MYRFL: variants seen among roughly 807,000 people sequenced by gnomAD.
MYRFL encodes myelin regulatory factor like.
A neutral mutation model predicts 109.4 loss-of-function variants in MYRFL; 88 were observed. The ratio of observed to expected loss-of-function variants is 0.80; its 90% CI spans 0.68 to 0.96. The LOEUF (loss-of-function observed/expected upper bound fraction) is 0.96, where lower values mean the gene tolerates loss of function less well. MYRFL is among the 40% of genes least tolerant of loss of function. The pLI is 0.00. For synonymous variants in MYRFL, 324 were observed against 320.9 expected (o/e 1.01, Z -0.10); for missense variants, 957 against 954.9 (o/e 1.00, Z -0.03).
intron 2 of MYRFL, among the ~76,000 whole-genome samples, chr12:69,861,465 T>C (rs1321837750): frequency 5.3e-5 from 8 of 152,214 alleles, no homozygotes; most frequent in Non-Finnish European, 1.0e-4. Context: ...TGGTATCTCA[T>C]TGTGGTTTTG....
At chr12:69,882,647 G>A (rs529437317) in intron 5 of MYRFL, among the ~76,000 whole-genome samples, 15 of 152,320 alleles carry the variant, frequency 9.8e-5, no homozygotes, top group South Asian at 4.1e-4. Context: ...GAATTACTGG[G>A]TTGGCGTGGG....
At chr12:69,921,600 A>C (rs545518367) in intron 13 of MYRFL, among the ~76,000 whole-genome samples, 8 of 152,338 alleles carry the variant, frequency 5.3e-5, no homozygotes, top group African/African-American at 1.9e-4. Context: ...TTAGAAATTT[A>C]CTTTTTGGTA....
intron 5 of MYRFL, among the ~76,000 whole-genome samples, chr12:69,884,997 G>GAAAA: frequency 1.3e-5 from 2 of 152,164 alleles, no homozygotes; most frequent in Non-Finnish European, 2.9e-5. Context: ...AAAACTCCAA[G>GAAAA]CTCTTGACCC....
chr12:69,950,209 G>C (rs1955942024), intron 19 of MYRFL, among the ~76,000 whole-genome samples: 1 of 151,806 alleles, frequency 6.6e-6, no homozygotes, highest in Non-Finnish European at 1.5e-5. Flanking sequence ...GGATAGTTTT[G>C]CTCCTATTTT....
At chr12:69,826,166 G>A (rs756698030) in intron 1 of MYRFL, among the ~76,000 whole-genome samples, 3 of 152,086 alleles carry the variant, frequency 2.0e-5, no homozygotes, top group South Asian at 2.1e-4. Context: ...AAGAAATAGT[G>A]AGATTCTATG....
rs1229227144 is a variant in MYRFL at position 69,879,100 on chromosome 12, G to C, written c.205+5G>C. 1.6e-5 allele frequency: 11 copies of C among 702,846 alleles called. No individual in the cohort carries two copies. Among genetic ancestry groups the C allele is most frequent in the Non-Finnish European group, 2.9e-5 (11 of 384,848 alleles). 43.5% of individuals were successfully genotyped at this position (702,846 alleles called of 1,614,324 possible). A position where few individuals can be genotyped will look rare whatever the true frequency, so the allele number is the denominator to read the frequency against. On this transcript the variant is annotated splice_donor_5th_base_variant and intron_variant, in intron 3 of 24. Coordinates refer to ENST00000552032, the MANE Select transcript of MYRFL (RefSeq NM_182530.3). ...GCTCTCCTCCGCAGGTCAAAGGTGA[G>C]TGCGATCCACCTTCAGCACATCTGG... is the stretch of plus-strand genomic sequence containing the variant.
chr12:69,867,216 C>T (rs1172899352), intron 2 of MYRFL, among the ~76,000 whole-genome samples: 6 of 152,076 alleles, frequency 3.9e-5, no homozygotes, highest in South Asian at 2.1e-4. Flanking sequence ...AGTTGAGCTA[C>T]GGTGGTGGGA....
intron 12 of MYRFL, among the ~76,000 whole-genome samples, chr12:69,910,613 C>G (rs944534154): frequency 2.3e-4 from 34 of 148,306 alleles, no homozygotes; most frequent in African/African-American, 7.6e-4. Context: ...ACTTACCTCC[C>G]CCCTGTTGGC....
intron 1 of MYRFL, among the ~76,000 whole-genome samples, chr12:69,840,673 G>A (rs946236920): frequency 1.3e-5 from 2 of 152,158 alleles, no homozygotes; most frequent in South Asian, 2.1e-4. Flanking sequence ...CATTTCCTCC[G>A]AGAGTCTCCT....
rs774847289 is a variant in MYRFL, at chr12:69,936,670, ACTTGAGGTTGTTTTT to A, written c.2224+43_2224+57del. 5.2e-4 allele frequency: 745 copies of A among 1,441,376 alleles called. 7 individuals are homozygous for A. The Middle Eastern group carries it at 5.4e-3, about 10-fold the overall frequency. The allele number at this position is 1,441,376 out of a possible 1,614,324, so 89.3% of individuals were successfully genotyped here. A position where few individuals can be genotyped will look rare whatever the true frequency, so the allele number is the denominator to read the frequency against. On this transcript the variant is annotated intron_variant, in intron 19 of 24. Transcript: ENST00000552032. The stretch of plus-strand genomic sequence containing the variant: ...CAAAGAGAAACAACTAGAGCTTTGA[ACTTGAGGTTGTTTTT>A]CTTGTCACAATTTACTTAGATGGTC...
At chr12:69,935,334 C>T (rs142507006) in intron 16 of MYRFL, among the ~76,000 whole-genome samples, 2 of 151,998 alleles carry the variant, frequency 1.3e-5, no homozygotes, top group East Asian at 1.9e-4. Context: ...TAGCACAAAA[C>T]AGTGCTGTAA....
At chr12:69,880,574 C>T (rs1212122118) in intron 5 of MYRFL, among the ~76,000 whole-genome samples, 1 of 152,218 alleles carries the variant, frequency 6.6e-6, no homozygotes, top group Non-Finnish European at 1.5e-5. Context: ...AGGCTCCAGG[C>T]CTGTGGAAGC....
At chr12:69,868,360 G>A (rs139234754) in intron 2 of MYRFL, among the ~76,000 whole-genome samples, 4,810 of 151,916 alleles carry the variant, frequency 0.032, 93 homozygotes, top group Middle Eastern at 0.071. Flanking sequence ...TGATCCACCC[G>A]CCTCGGCCTC....
intron 1 of MYRFL, among the ~76,000 whole-genome samples, chr12:69,833,684 C>T (rs1221088160): frequency 6.6e-6 from 1 of 152,136 alleles, no homozygotes; most frequent in African/African-American, 2.4e-5. Context: ...ATGTGAAGTG[C>T]TTAGATTTGG....
intron 7 of MYRFL, among the ~76,000 whole-genome samples, chr12:69,892,847 T>A (rs1291092737): frequency 6.6e-6 from 1 of 152,240 alleles, no homozygotes; most frequent in Non-Finnish European, 1.5e-5. Context: ...TTTGGTAGCC[T>A]ATTTTTTCTC....
At chr12:69,904,202 G>A (rs1363075980) in intron 11 of MYRFL, 1 of 188,794 alleles carries the variant, frequency 5.3e-6, no homozygotes, top group Non-Finnish European at 1.1e-5. Context: ...CATCTTCCAA[G>A]CACTGTCTCA....
intron 1 of MYRFL, among the ~76,000 whole-genome samples, chr12:69,851,813 C>T (rs1371542269): frequency 6.6e-6 from 1 of 152,154 alleles, no homozygotes; most frequent in Non-Finnish European, 1.5e-5. Context: ...CACACACCAC[C>T]ATCTTGGCTC....
intron 2 of MYRFL, among the ~76,000 whole-genome samples, chr12:69,864,561 T>G (rs896110598): frequency 6.6e-6 from 1 of 151,876 alleles, no homozygotes; most frequent in Non-Finnish European, 1.5e-5. Flanking sequence ...CTGGCTCTTA[T>G]TACTCTCTGC....
intron 5 of MYRFL, among the ~76,000 whole-genome samples, chr12:69,885,749 T>A (rs1886409617): frequency 6.6e-6 from 1 of 152,200 alleles, no homozygotes; most frequent in Non-Finnish European, 1.5e-5. Flanking sequence ...TTGCTGTTAT[T>A]TGACCATTTT....
Sources: allele counts gnomAD v4.1 joint callset (sites outside exome capture counted in the v4.1 genomes callset), GRCh38; gene constraint gnomAD v4.1.1; transcripts MANE v1.5; gene names NCBI Gene and HGNC (gene_info 2026-07-23, HGNC 2026-07-21).